The following SCARA5 variants were observed in gnomAD, a reference collection of about 807,000 sequenced individuals.
SCARA5 encodes the protein scavenger receptor class A member 5.
In SCARA5, 45 loss-of-function variants were observed where a neutral mutation model predicts 46.3. That is an observed-to-expected ratio of 0.97 (90% confidence interval 0.76 to 1.24). The LOEUF (loss-of-function observed/expected upper bound fraction) is 1.24, where lower values mean the gene tolerates loss of function less well. Ranked by LOEUF, SCARA5 falls within the 50% of genes most tolerant of loss-of-function variation. The pLI is 0.00. For missense variants in SCARA5, 680 were observed against 689.0 expected (o/e 0.99, Z 0.15); for synonymous variants, 333 against 306.5 (o/e 1.09, Z -0.90).
At chr8:27,934,355 C>T (rs1585499212) in intron 3 of SCARA5, among the ~76,000 whole-genome samples, 1 of 152,190 alleles carries the variant, frequency 6.6e-6, no homozygotes, top group African/African-American at 2.4e-5. Context: ...CCTGGGATTT[C>T]GACCTGGGAG....
chr8:27,905,048 C>T (rs749036406), intron 6 of SCARA5, among the ~76,000 whole-genome samples: 12 of 152,030 alleles, frequency 7.9e-5, no homozygotes, highest in Non-Finnish European at 1.5e-4. Context: ...GTGAGAAAAT[C>T]CCACCCGTTT....
rs1216334594 is a variant in SCARA5, at chr8:27,907,140, G to A, written c.1096+8C>T. ...GTGAGGCTCAGGGAGAACTGAGATT[G>A]TTATTACCTTTGAACCCACGCATGC... On this transcript the variant is annotated splice_region_variant and intron_variant, in intron 6 of 8. Transcript: ENST00000354914. 6.2e-7 allele frequency: 1 copy of A among 1,605,684 alleles called. No homozygotes were observed. Among genetic ancestry groups the A allele is most frequent in the South Asian group, 1.1e-5 (1 of 90,308 alleles).
intron 3 of SCARA5, among the ~76,000 whole-genome samples, chr8:27,960,661 G>A (rs1341397657): frequency 1.3e-5 from 2 of 152,048 alleles, no homozygotes; most frequent in Non-Finnish European, 2.9e-5. Flanking sequence ...GTACAGCCTC[G>A]ATTTGAACCC....
intron 2 of SCARA5, among the ~76,000 whole-genome samples, chr8:27,970,367 G>A (rs996188480): frequency 6.6e-6 from 1 of 152,164 alleles, no homozygotes; most frequent in African/African-American, 2.4e-5. Context: ...AAAAAGGGAC[G>A]AGGCAGGAGC....
intron 2 of SCARA5, 73 bp from the exon 3 acceptor site, chr8:27,966,615 C>A: frequency 6.8e-7 from 1 of 1,470,714 alleles, no homozygotes; most frequent in African/African-American, 1.4e-5. Flanking sequence ...CTTTTTTGGT[C>A]TCATCTCTCC....
chr8:27,877,651 TCAA>T (rs1346720313), intron 8 of SCARA5, among the ~76,000 whole-genome samples: 2 of 152,350 alleles, frequency 1.3e-5, no homozygotes, highest in Non-Finnish European at 2.9e-5. Context: ...CCTATTCTAA[TCAA>T]CAACAACGGT....
At chr8:27,876,051 G>A (rs896905024) in intron 8 of SCARA5, among the ~76,000 whole-genome samples, 2 of 152,142 alleles carry the variant, frequency 1.3e-5, no homozygotes, top group African/African-American at 2.4e-5. Context: ...GAAGGCCACA[G>A]GAGCTAGCCT....
At chr8:27,953,391 A>G (rs2095122277) in intron 3 of SCARA5, among the ~76,000 whole-genome samples, 1 of 152,164 alleles carries the variant, frequency 6.6e-6, no homozygotes, top group African/African-American at 2.4e-5. Flanking sequence ...TCATTGACGC[A>G]TTGCTCTGTC....
chr8:27,991,834 C>T (rs1027278302), intron 1 of SCARA5, among the ~76,000 whole-genome samples: 5 of 152,034 alleles, frequency 3.3e-5, no homozygotes, highest in Admixed American at 1.3e-4. Context: ...CACATGCACA[C>T]GCACAGACAT....
intron 4 of SCARA5, among the ~76,000 whole-genome samples, chr8:27,918,086 TGTGGGTAACA>T (rs1228647716): frequency 6.6e-6 from 1 of 152,212 alleles, no homozygotes; most frequent in Non-Finnish European, 1.5e-5. Flanking sequence ...CCAGGTGGAC[TGTGGGTAACA>T]GAATGAGAAC....
intron 1 of SCARA5, among the ~76,000 whole-genome samples, chr8:27,989,106 T>C (rs961234385): frequency 1.4e-4 from 21 of 151,500 alleles, no homozygotes; most frequent in Non-Finnish European, 2.2e-4. Flanking sequence ...CTTTCTTCTT[T>C]TTTTTTTTCT....
At chr8:27,940,186 C>T (rs1807920734) in intron 3 of SCARA5, among the ~76,000 whole-genome samples, 1 of 152,204 alleles carries the variant, frequency 6.6e-6, no homozygotes, top group African/African-American at 2.4e-5. Context: ...ATTCGTCTTT[C>T]TTCACTTGTT....
intron 7 of SCARA5, chr8:27,886,018 T>C (rs2685381): frequency 0.95 from 146,734 of 154,888 alleles, 70,035 homozygotes; most frequent in East Asian, 1. Context: ...TACCATGCAT[T>C]GAGCAAAGTC....
Position 27,922,219 on chromosome 8 carries a change from C to G in SCARA5, c.268G>C (p.Asp90His). ...AVSRPRSSPDDLKALTRNVNR... is the reference protein window; with the variant it reads ...AVSRPRSSPDHLKALTRNVNR... ...ACATTGCGAGTCAGGGCCTTCAGGT[C>G]GTCAGGGGAGCTGCGCGGCCTGGAC... Residue 90 changes from aspartate (D) to histidine (H), a missense_variant, in exon 4 of 9, where the codon GAC becomes CAC. Asp to His is a moderately conservative substitution (Grantham distance 81). Coordinates refer to ENST00000354914, the MANE Select transcript of SCARA5 (RefSeq NM_173833.6). 6.3e-7 allele frequency: 1 copy of G among 1,581,040 alleles called. No individual in the cohort carries two copies. Among genetic ancestry groups the G allele is most frequent in the Non-Finnish European group, 8.6e-7 (1 of 1,162,108 alleles).
chr8:27,913,393 C>T (rs1188613734), intron 4 of SCARA5, among the ~76,000 whole-genome samples: 7 of 152,194 alleles, frequency 4.6e-5, no homozygotes, highest in African/African-American at 1.4e-4. Flanking sequence ...ATCACTGATG[C>T]TGCCTGTAGG....
chr8:27,879,817 G>C, intron 7 of SCARA5, 51 bp from the exon 8 acceptor site: 2 of 1,563,784 alleles, frequency 1.3e-6, no homozygotes, highest in Non-Finnish European at 1.7e-6. Flanking sequence ...ACCAGGACCC[G>C]CCCCCAGGGG....
intron 7 of SCARA5, chr8:27,903,614 T>C (rs1369670360): frequency 1.3e-5 from 2 of 152,316 alleles, no homozygotes; most frequent in Non-Finnish European, 2.9e-5. Context: ...GGTTGTAGGA[T>C]TTGTAGGTTT....
intron 3 of SCARA5, among the ~76,000 whole-genome samples, chr8:27,956,581 C>T (rs1441412466): frequency 6.6e-6 from 1 of 152,144 alleles, no homozygotes; most frequent in African/African-American, 2.4e-5. Context: ...AAAATGAGGT[C>T]CAGAGAGGTT....
intron 2 of SCARA5, among the ~76,000 whole-genome samples, chr8:27,980,582 C>T (rs1328837108): frequency 6.6e-6 from 1 of 152,134 alleles, no homozygotes; most frequent in Non-Finnish European, 1.5e-5. Context: ...CATGGAAAGG[C>T]GCCCCTGGTG....
Sources: gnomAD v4.1 joint callset for allele counts (sites outside exome capture counted in the v4.1 genomes callset) on GRCh38, gnomAD v4.1.1 for gene constraint, MANE v1.5 for transcripts, NCBI Gene and HGNC (gene_info 2026-07-23, HGNC 2026-07-21) for gene names.